The following EZH1 variants were observed in gnomAD, a reference collection of about 807,000 sequenced individuals.
EZH1 encodes the protein histone-lysine N-methyltransferase EZH1.
Under a neutral mutation model 100.5 loss-of-function variants are expected in EZH1, and 33 were observed. That is an observed-to-expected ratio of 0.33 (90% confidence interval 0.25 to 0.44). The LOEUF (loss-of-function observed/expected upper bound fraction) is 0.44. EZH1 is among the 20% of genes least tolerant of loss of function. The probability of loss-of-function intolerance (pLI) is 1.00; values close to 1 mark genes in which losing one functional copy is unlikely to be tolerated. For missense variants in EZH1, 475 were observed against 928.4 expected, an observed-to-expected ratio of 0.51 and a Z score of 6.35; for synonymous variants, 272 against 313.8, an observed-to-expected ratio of 0.87 and a Z score of 1.41.
intron 1 of EZH1, among the ~76,000 whole-genome samples, chr17:42,732,110 CCT>C (rs962927306): frequency 1.3e-5 from 2 of 150,904 alleles, no homozygotes; most frequent in African/African-American, 2.4e-5. Flanking sequence ...TGAGCAAGCC[CCT>C]GTCTCAAAAA....
At chr17:42,728,116 CTTT>C (rs748198083) in intron 3 of EZH1, among the ~76,000 whole-genome samples, 2 of 117,264 alleles carry the variant, frequency 1.7e-5, no homozygotes, top group Non-Finnish European at 3.5e-5. Context: ...CGTGCCTGGC[CTTT>C]TTTTTTTTTT....
chr17:42,725,774 T>C (rs2053806433), intron 4 of EZH1, among the ~76,000 whole-genome samples: 2 of 152,352 alleles, frequency 1.3e-5, no homozygotes, highest in South Asian at 4.1e-4. Flanking sequence ...GGACATCAAC[T>C]TAGCTGCATA....
At chr17:42,740,173 T>C (rs2054149734) in intron 1 of EZH1, among the ~76,000 whole-genome samples, 1 of 151,906 alleles carries the variant, frequency 6.6e-6, no homozygotes, top group Admixed American at 6.6e-5. Flanking sequence ...CCAGCCTCCC[T>C]AGTAGCTGGG....
At chr17:42,744,318 T>C (rs1021977384) in intron 1 of EZH1, among the ~76,000 whole-genome samples, 2 of 152,172 alleles carry the variant, frequency 1.3e-5, no homozygotes, top group Admixed American at 1.3e-4. Flanking sequence ...TTTATATCAT[T>C]TGATCCTCGG....
intron 2 of EZH1, among the ~76,000 whole-genome samples, chr17:42,729,589 A>G (rs935492988): frequency 2.4e-5 from 3 of 122,944 alleles, no homozygotes; most frequent in Non-Finnish European, 5.0e-5. Context: ...AAAAAAAAAA[A>G]TTAGTCGGGC....
chr17:42,710,028 G>T, intron 12 of EZH1, 91 bp from the exon 13 acceptor site: 3 of 1,086,842 alleles, frequency 2.8e-6, no homozygotes, highest in Non-Finnish European at 4.2e-6. Context: ...AGGGTTCTGA[G>T]AAACTCAGGC....
chr17:42,717,347 AG>A (rs1442679083), intron 10 of EZH1, among the ~76,000 whole-genome samples: 9 of 152,208 alleles, frequency 5.9e-5, no homozygotes, highest in Admixed American at 1.3e-4. Context: ...TGGTTCCAAA[AG>A]CACTTGGCTG....
intron 1 of EZH1, 97 bp downstream of exon 1, chr17:42,744,914 T>G (rs2054252564): frequency 8.3e-7 from 1 of 1,203,308 alleles, no homozygotes; most frequent in African/African-American, 1.6e-5. Flanking sequence ...TTCCTTCCAA[T>G]TTCCTGATCC....
chr17:42,744,891 T>G lies in EZH1; in HGVS notation c.-103+120A>C, dbSNP rs185738628. The G allele has an allele frequency of 7.5e-4, 814 of 1,079,900 alleles. 5 individuals carry two copies. In the African/African-American group the frequency reaches 0.013, roughly 17 times the overall value. The allele number at this position is 1,079,900 out of a possible 1,614,324, so 66.9% of individuals were successfully genotyped here. On this transcript the variant is annotated intron_variant, in intron 1 of 20. Coordinates refer to ENST00000428826, the MANE Select transcript of EZH1 (RefSeq NM_001991.5). Reference sequence around the variant, plus strand: ...CTGCTACCCCCGGCCAGGCAGGCAGTGTGTCCCTCGGATTCCTTCCAATTT... The same window carrying G: ...CTGCTACCCCCGGCCAGGCAGGCAGGGTGTCCCTCGGATTCCTTCCAATTT...
At chr17:42,739,390 T>G (rs2054132434) in intron 1 of EZH1, among the ~76,000 whole-genome samples, 2 of 152,212 alleles carry the variant, frequency 1.3e-5, no homozygotes, top group Non-Finnish European at 2.9e-5. Flanking sequence ...TGAATTCTAA[T>G]TTAAAATAAA....
chr17:42,705,894 A>T (rs2053343462), intron 16 of EZH1, 113 bp downstream of exon 16: 3 of 1,096,882 alleles, frequency 2.7e-6, no homozygotes, highest in Non-Finnish European at 3.8e-6. Context: ...AGGATTTATC[A>T]AGCACTTTCA....
intron 1 of EZH1, among the ~76,000 whole-genome samples, chr17:42,735,611 CAT>C (rs1232879350): frequency 6.6e-6 from 1 of 152,146 alleles, no homozygotes; most frequent in Non-Finnish European, 1.5e-5. Flanking sequence ...AACTCCAAAA[CAT>C]ATGCTGTTTT....
intron 1 of EZH1, among the ~76,000 whole-genome samples, chr17:42,735,795 G>A (rs1332645918): frequency 1.3e-5 from 2 of 152,162 alleles, no homozygotes; most frequent in Non-Finnish European, 2.9e-5. Context: ...AGACCAGCCT[G>A]ACCAACATTG....
chr17:42,709,164 A>T, intron 13 of EZH1: 3 of 549,550 alleles, frequency 5.5e-6, no homozygotes. Flanking sequence ...AAAGAACACA[A>T]CACAGAAATA....
intron 1 of EZH1, among the ~76,000 whole-genome samples, chr17:42,742,014 C>T (rs2054185264): frequency 6.6e-6 from 1 of 152,078 alleles, no homozygotes; most frequent in Admixed American, 6.6e-5. Context: ...TTGAAGGTAT[C>T]ATCCAAAGGC....
intron 13 of EZH1, 120 bp from the exon 14 acceptor site, chr17:42,709,036 A>AGTC: frequency 1.8e-6 from 2 of 1,125,668 alleles, no homozygotes; most frequent in Non-Finnish European, 2.7e-6. Flanking sequence ...GTATCTTCCC[A>AGTC]AACCCCTCAA....
chr17:42,722,410 A>G (rs148354773), intron 6 of EZH1, among the ~76,000 whole-genome samples: 20 of 152,038 alleles, frequency 1.3e-4, no homozygotes, highest in Non-Finnish European at 2.2e-4. Flanking sequence ...GGATCACCTG[A>G]GGTCAGGAAT....
rs1468879795 is a variant in EZH1, at chr17:42,718,636, A to G, written c.768-19T>C. ...TCGATACCTATTTAAGAAAAGAGAG[A>G]TAAGAGTTCCTCCGAGGAACTGCCT... On this transcript the variant is annotated intron_variant, in intron 8 of 20. Coordinates refer to ENST00000428826, the MANE Select transcript of EZH1 (RefSeq NM_001991.5). This position sits in a 1 kb window ranked among gnomAD's most constrained non-coding sequence, Gnocchi z 4.2. 3 of 1,613,498 alleles carry G rather than the reference A, an allele frequency of 1.9e-6. No homozygotes were observed. The highest frequency in any genetic ancestry group is 2.5e-6 in the Non-Finnish European group (3 of 1,179,564).
intron 15 of EZH1, among the ~76,000 whole-genome samples, chr17:42,707,512 G>A (rs1189596636): frequency 6.6e-6 from 1 of 152,152 alleles, no homozygotes; most frequent in Non-Finnish European, 1.5e-5. Context: ...TGCCCGACTT[G>A]GCCTTCCAAG....
Sources: allele counts gnomAD v4.1 joint callset (sites outside exome capture counted in the v4.1 genomes callset), GRCh38; gene constraint gnomAD v4.1.1; non-coding constraint Gnocchi (gnomAD v3.1); transcripts MANE v1.5; gene names NCBI Gene and HGNC (gene_info 2026-07-23, HGNC 2026-07-21).